Variants in ARHGAP32 observed in about 807,000 individuals in gnomAD.
The protein encoded by ARHGAP32 is Rho GTPase activating protein 32.
A neutral mutation model predicts 186.5 loss-of-function variants in ARHGAP32; 51 were observed. The observed-to-expected ratio is 0.27, with a 90% CI of 0.22 to 0.35. The LOEUF (loss-of-function observed/expected upper bound fraction) is 0.35, where lower values mean the gene tolerates loss of function less well. Among genes scored for constraint, ARHGAP32 ranks in the 10% least tolerant of loss-of-function variants. The pLI is 1.00. For missense variants in ARHGAP32, 2,186 were observed against 2,623.5 expected, an observed-to-expected ratio of 0.83 and a Z score of 3.64; for synonymous variants, 950 against 964.3, an observed-to-expected ratio of 0.99 and a Z score of 0.27.
At chr11:129,179,794 T>C (rs532656823) in intron 1 of ARHGAP32, among the ~76,000 whole-genome samples, 24 of 99,670 alleles carry the variant, frequency 2.4e-4, no homozygotes, top group Admixed American at 1.3e-3. Flanking sequence ...GGGACTGTTG[T>C]GGGGTGGGGG....
chr11:128,981,550 A>G lies in ARHGAP32; in HGVS notation c.1646T>C (p.Ile549Thr). ...TGTTCCACTGAAGCAGGCAGATTCT[A>G]TCTGTTTTGATCTGTGAGGTAAACA... ...WAPNLLRSKQ[I>T]ESACFSGTAA... Residue 549 changes from isoleucine (I) to threonine (T), a missense_variant, in exon 17 of 23, where the codon ATA becomes ACA. This residue lies in a region of ARHGAP32 where 308 missense variants were observed against 596.5 expected (regional missense o/e 0.52). Coordinates refer to ENST00000682385, the MANE Select transcript of ARHGAP32 (RefSeq NM_001378024.1). 1 of 1,610,964 alleles carries G rather than the reference A, an allele frequency of 6.2e-7. No homozygotes were observed. Among genetic ancestry groups the G allele is most frequent in the Non-Finnish European group, 8.5e-7 (1 of 1,177,868 alleles).
chr11:128,976,897 G>A (rs1945559990), intron 19 of ARHGAP32, among the ~76,000 whole-genome samples: 1 of 152,218 alleles, frequency 6.6e-6, no homozygotes, highest in Non-Finnish European at 1.5e-5. Context: ...AATTTGAGCA[G>A]AGAGATTAAC....
chr11:129,169,704 T>A (rs1477999722), intron 1 of ARHGAP32, among the ~76,000 whole-genome samples: 1 of 151,510 alleles, frequency 6.6e-6, no homozygotes, highest in Non-Finnish European at 1.5e-5. Context: ...GTTGAGAATT[T>A]AGTTGAAATG....
chr11:129,056,774 G>T (rs776409117), intron 10 of ARHGAP32, among the ~76,000 whole-genome samples: 13 of 152,108 alleles, frequency 8.5e-5, no homozygotes, highest in African/African-American at 2.9e-4. Context: ...GACATATCGG[G>T]CCTGGGTGTC....
chr11:129,124,735 A>C, intron 3 of ARHGAP32, 68 bp downstream of exon 3: 1 of 1,221,356 alleles, frequency 8.2e-7, no homozygotes. Context: ...TAAAAGTTTT[A>C]AGAGAATTGA....
intron 1 of ARHGAP32, among the ~76,000 whole-genome samples, chr11:129,227,709 T>C (rs1944804933): frequency 1.3e-5 from 2 of 152,120 alleles, no homozygotes; most frequent in South Asian, 4.1e-4. Context: ...GGTAAATTTG[T>C]AGCAGACATC....
chr11:129,182,646 CTT>C (rs982648182), intron 1 of ARHGAP32, among the ~76,000 whole-genome samples: 1 of 144,422 alleles, frequency 6.9e-6, no homozygotes. Flanking sequence ...TTTCTATTAC[CTT>C]TTTTTTTTTT....
chr11:129,203,658 G>C (rs796243253), intron 1 of ARHGAP32, among the ~76,000 whole-genome samples: 2 of 150,852 alleles, frequency 1.3e-5, no homozygotes, highest in African/African-American at 4.9e-5. Context: ...GAGAGGCTGA[G>C]GCAGGAGGAT....
chr11:129,238,852 T>G (rs66844086), intron 1 of ARHGAP32, among the ~76,000 whole-genome samples: 39,640 of 150,530 alleles, frequency 0.26, 5,395 homozygotes, highest in South Asian at 0.42. Flanking sequence ...TAATTTTTTT[T>G]GAAACAGGGT....
chr11:129,039,347 C>T (rs1939494553), intron 11 of ARHGAP32, among the ~76,000 whole-genome samples: 1 of 152,174 alleles, frequency 6.6e-6, no homozygotes, highest in South Asian at 2.1e-4. Context: ...TAAAATGTGG[C>T]ATATGCATAC....
intron 16 of ARHGAP32, 83 bp downstream of exon 16, chr11:128,981,746 A>G: frequency 3.2e-6 from 4 of 1,249,264 alleles, no homozygotes; most frequent in East Asian, 2.4e-5. Context: ...TAATCTTTTA[A>G]AAGTTTCCTT....
intron 6 of ARHGAP32, among the ~76,000 whole-genome samples, chr11:129,086,125 C>A (rs1941385975): frequency 6.6e-6 from 1 of 151,572 alleles, no homozygotes; most frequent in Admixed American, 6.6e-5. Context: ...CAGAAACAGA[C>A]CCATATAAAA....
In ARHGAP32 at chr11:129,269,332, C is replaced by CA. The variant is rs551085996; in HGVS notation, c.-5+9813dup. On this transcript the variant is annotated intron_variant, in intron 1 of 6. Transcript: ENST00000525234. ...AAATAATAAATGAATATGAAGAAGA[C>CA]AAAATGGGATGATATAAAAGAAAGA... Among the ~76,000 whole-genome samples the CA allele has an allele frequency of 4.2e-4, 64 of 152,040 alleles. 1 individual carries two copies. The highest frequency in any genetic ancestry group is 2.0e-3 in the Admixed American group (31 of 15,280).
chr11:129,134,074 A>C (rs1249154552), intron 2 of ARHGAP32, among the ~76,000 whole-genome samples: 1 of 152,142 alleles, frequency 6.6e-6, no homozygotes, highest in African/African-American at 2.4e-5. Flanking sequence ...AGTTTAGTAA[A>C]TTGGAACCAA....
intron 1 of ARHGAP32, among the ~76,000 whole-genome samples, chr11:129,168,486 TA>T (rs1465142062): frequency 2.6e-5 from 4 of 152,180 alleles, no homozygotes; most frequent in Non-Finnish European, 4.4e-5. Flanking sequence ...CAATAAGTTG[TA>T]AACAAAATTT....
At chr11:129,125,165 A>G (rs1942631146) in intron 2 of ARHGAP32, among the ~76,000 whole-genome samples, 1 of 152,122 alleles carries the variant, frequency 6.6e-6, no homozygotes, top group African/African-American at 2.4e-5. Flanking sequence ...CAGCTATTAT[A>G]TACCTCAATA....
chr11:129,174,567 G>A (rs1295721733), intron 1 of ARHGAP32, among the ~76,000 whole-genome samples: 1 of 152,196 alleles, frequency 6.6e-6, no homozygotes, highest in Non-Finnish European at 1.5e-5. Context: ...AGAGAGCAAT[G>A]CTTCTCCCAG....
chr11:129,266,575 C>A (rs938772262), intron 1 of ARHGAP32, among the ~76,000 whole-genome samples: 4 of 152,184 alleles, frequency 2.6e-5, no homozygotes, highest in African/African-American at 9.7e-5. Flanking sequence ...GAAGCTCTAA[C>A]TAAAACATCA....
intron 6 of ARHGAP32, among the ~76,000 whole-genome samples, chr11:129,072,584 G>A (rs543082213): frequency 6.6e-6 from 1 of 152,280 alleles, no homozygotes; most frequent in South Asian, 2.1e-4. Flanking sequence ...GGTAAATACA[G>A]AGAATTGCAC....
Sources: allele counts gnomAD v4.1 joint callset (sites outside exome capture counted in the v4.1 genomes callset), GRCh38; gene constraint gnomAD v4.1.1; regional missense constraint gnomAD v4.1.1; transcripts MANE v1.5; gene names NCBI Gene and HGNC (gene_info 2026-07-23, HGNC 2026-07-21).